The following KANK3 variants were observed in gnomAD, a reference collection of about 807,000 sequenced individuals.
KANK3 encodes the protein KN motif and ankyrin repeat domain-containing protein 3.
A neutral mutation model predicts 65.4 loss-of-function variants in KANK3; 61 were observed. The ratio of observed to expected loss-of-function variants is 0.93; its 90% CI spans 0.76 to 1.15. KANK3 has a LOEUF of 1.15. KANK3 is among the 50% of genes most tolerant of loss of function. The pLI, the probability that KANK3 is intolerant of heterozygous loss-of-function variation, is 0.00. For synonymous variants in KANK3, 586 were observed against 543.3 expected (o/e 1.08, Z -1.09); for missense variants, 1,187 against 1,178.8 (o/e 1.01, Z -0.10).
intron 7 of KANK3, 155 bp downstream of exon 7, chr19:8,332,835 ATAAAATAAAATAAAATAATAAAAT>A: frequency 1.2e-5 from 4 of 334,014 alleles, no homozygotes; most frequent in Non-Finnish European, 1.6e-5. Context: ...ATAAAATAAA[ATAAAATAAAATAAAATAATAAAAT>A]TAAAATAAAA....
At position 8,339,963 on chromosome 19, in the gene KANK3, CAAAA is replaced by C. The variant is rs59020478; in HGVS notation, c.-28-2111_-28-2108del. Among the ~76,000 whole-genome samples, 561 of 95,748 alleles carry C rather than the reference CAAAA, an allele frequency of 5.9e-3. 6 individuals carry two copies. Among genetic ancestry groups the C allele is most frequent in the African/African-American group, 0.018 (469 of 26,166 alleles). The allele number at this position is 95,748 out of a possible 152,430, so 62.8% of individuals were successfully genotyped here. ...TGGTTGACAGAGCAAGACCTTGTCT[CAAAA>C]AAAAAAAAAAAAAAAAAGAAAAGAA... On this transcript the variant is annotated intron_variant, in intron 1 of 10. Coordinates refer to ENST00000330915, the MANE Select transcript of KANK3 (RefSeq NM_198471.3).
At chr19:8,337,999 C>T in intron 1 of KANK3, 143 bp from the exon 2 acceptor site, 4 of 1,369,792 alleles carry the variant, frequency 2.9e-6, no homozygotes, top group Non-Finnish European at 3.8e-6. Context: ...CCTTCCTCTT[C>T]CCTAAAGAAA....
rs1310981591 is a variant in KANK3, at chr19:8,333,770, G to A, written c.1673C>T (p.Ala558Val). The change falls in exon 6 of 11, where the codon GCG (alanine) becomes GTG (valine). Residue 558 changes from alanine to valine, a missense_variant. This residue lies in a region of KANK3 where 1,078 missense variants were observed against 1,038.2 expected (regional missense o/e 1.04). Coordinates refer to ENST00000330915, the MANE Select transcript of KANK3 (RefSeq NM_198471.3). The surrounding 1 kb of genome is among the most constrained non-coding windows in gnomAD (Gnocchi z 5.0). ...GGGCCGGCTCAGCTGCCGCTGCAGC[G>A]CTACGCACGCCTCCCTCAGACGCGG... is the stretch of plus-strand genomic sequence containing the variant. ...LSPRLREACV[A>V]LQRQLSRPRG... The A allele has an allele frequency of 4.0e-6, 6 of 1,507,180 alleles. No homozygotes were observed. The highest frequency in any genetic ancestry group is 2.5e-5 in the East Asian group (1 of 40,006). The allele number at this position is 1,507,180 out of a possible 1,614,324, so 93.4% of individuals were successfully genotyped here. A position where few individuals can be genotyped will look rare whatever the true frequency, so the allele number is the denominator to read the frequency against.
At chr19:8,332,920 G>A (rs1214361402) in intron 7 of KANK3, 94 bp downstream of exon 7, 2 of 994,890 alleles carry the variant, frequency 2.0e-6, no homozygotes, top group South Asian at 2.8e-5. Context: ...GCCATTCTCT[G>A]CTTTCCTCTC....
intron 7 of KANK3, 27 bp downstream of exon 7, chr19:8,332,987 T>TTCCCCCCCCCCCC: frequency 3.8e-5 from 15 of 395,198 alleles, no homozygotes; most frequent in Non-Finnish European, 5.7e-5. Flanking sequence ...TTTCCTGGTG[T>TTCCCCCCCCCCCC]CCCACCCACC....
intron 1 of KANK3, among the ~76,000 whole-genome samples, chr19:8,338,234 C>T (rs1391705894): frequency 6.6e-6 from 1 of 151,776 alleles, no homozygotes; most frequent in Non-Finnish European, 1.5e-5. Context: ...GTTGGCCAGG[C>T]TGGTCTCGAA....
At chr19:8,332,987 T>TGTGG in intron 7 of KANK3, 27 bp downstream of exon 7, 3 of 395,194 alleles carry the variant, frequency 7.6e-6, no homozygotes, top group African/African-American at 2.2e-5. Flanking sequence ...TTTCCTGGTG[T>TGTGG]CCCACCCACC....
chr19:8,340,291 T>TATATATATATATATATATATATACACAC (rs1472181365), intron 1 of KANK3, among the ~76,000 whole-genome samples: 25 of 92,822 alleles, frequency 2.7e-4, no homozygotes, highest in East Asian at 2.0e-3. Flanking sequence ...TATATATATA[T>TATATATATATATATATATATATACACAC]ACACACACAC....
At position 8,334,112 on chromosome 19, in the gene KANK3, C is replaced by G. The variant is rs1568575473; in HGVS notation, c.1432G>C (p.Glu478Gln). The G allele has an allele frequency of 6.6e-7, 1 of 1,514,900 alleles. No homozygotes were observed. The highest frequency in any genetic ancestry group is 8.8e-7 in the Non-Finnish European group (1 of 1,131,400). The allele number at this position is 1,514,900 out of a possible 1,614,324, so 93.8% of individuals were successfully genotyped here. A position where few individuals can be genotyped will look rare whatever the true frequency, so the allele number is the denominator to read the frequency against. Residue 478 changes from glutamate (E) to glutamine (Q), a missense_variant, in exon 5 of 11, where the codon GAG (glutamate) becomes CAG (glutamine). By Grantham distance (29) the Glu-to-Gln change is conservative. This residue lies in a region of KANK3 where 1,078 missense variants were observed against 1,038.2 expected (regional missense o/e 1.04). Transcript: ENST00000330915. ...QFVGVLNGEY[E>Q]SSSSEDASDS... ...CTGGCGTCCTCGCTGGAGGAGCTCT[C>G]GTACCTGGGGGCAGGGTGGGAGGTG...
At chr19:8,332,987 T>TTTG in intron 7 of KANK3, 27 bp downstream of exon 7, 3 of 395,198 alleles carry the variant, frequency 7.6e-6, no homozygotes, top group East Asian at 6.5e-5. Context: ...TTTCCTGGTG[T>TTTG]CCCACCCACC....
At chr19:8,332,966 C>G (rs1456070147) in intron 7 of KANK3, 48 bp downstream of exon 7, 1 of 1,107,612 alleles carries the variant, frequency 9.0e-7, no homozygotes, top group African/African-American at 1.6e-5. Flanking sequence ...CCTGCCCTCT[C>G]CCCCCACCCA....
rs1288743490 is a variant in KANK3, at chr19:8,334,833, C to T, written c.994G>A (p.Glu332Lys). The change falls in exon 3 of 11, where the codon GAG becomes AAG. Residue 332 changes from glutamate (E) to lysine (K), a missense_variant. Physicochemically the swap from Glu to Lys is moderately conservative, Grantham distance 56. This residue lies in a region of KANK3 where 1,078 missense variants were observed against 1,038.2 expected (regional missense o/e 1.04). Transcript: ENST00000330915. Reference sequence around the variant, plus strand: ...ACCCACGCGTCCGCCTCCACGGTCTCGGGGGCAGCCTCCACGCCGGCCTCC... The same window carrying T: ...ACCCACGCGTCCGCCTCCACGGTCTTGGGGGCAGCCTCCACGCCGGCCTCC... ...TREAGVEAAP[E>K]TVEADAWVTE... The T allele has an allele frequency of 4.1e-6, 6 of 1,478,568 alleles. No individual in the cohort carries two copies. Among genetic ancestry groups the T allele is most frequent in the Non-Finnish European group, 5.3e-6 (6 of 1,123,768 alleles). The allele number at this position is 1,478,568 out of a possible 1,614,324, so 91.6% of individuals were successfully genotyped here.
At chr19:8,337,676 G>T in intron 2 of KANK3, 119 bp downstream of exon 2, 1 of 1,222,418 alleles carries the variant, frequency 8.2e-7, no homozygotes, top group Non-Finnish European at 1.2e-6. Context: ...TTTAAAGCAG[G>T]CTCATGACAT....
In KANK3 at chr19:8,335,494, G is replaced by A; in HGVS notation, c.333C>T (p.Pro111=). The A allele has an allele frequency of 8.1e-7, 1 of 1,238,746 alleles. No homozygotes were observed. The highest frequency in any genetic ancestry group is 1.0e-6 in the Non-Finnish European group (1 of 986,198). 76.7% of individuals were successfully genotyped at this position (1,238,746 alleles called of 1,614,324 possible). ...ACAGCGGCTGCATCAGGAGCCCCGAGGGCGCGCCCTGGGAGAGTATGCCCG... is the reference window on the plus strand; with the variant it reads ...ACAGCGGCTGCATCAGGAGCCCCGAAGGCGCGCCCTGGGAGAGTATGCCCG... ...GAPGILSQGA[P]SGLLMQPLSP... is the part of the protein sequence containing the mutation. The change falls in exon 3 of 11, where the codon CCC becomes CCT. Residue 111 remains proline (P), a synonymous_variant. Coordinates refer to ENST00000330915, the MANE Select transcript of KANK3 (RefSeq NM_198471.3).
chr19:8,337,880 C>A, intron 1 of KANK3, 24 bp from the exon 2 acceptor site: 2 of 1,612,290 alleles, frequency 1.2e-6, no homozygotes, highest in Non-Finnish European at 8.5e-7. Flanking sequence ...GAAGGTGGGG[C>A]TGGGCGCTGT....
chr19:8,326,047 A>T (rs1970421865), intron 7 of KANK3, among the ~76,000 whole-genome samples: 1 of 151,894 alleles, frequency 6.6e-6, no homozygotes, highest in African/African-American at 2.4e-5. Context: ...CTGGTCTCGA[A>T]CTCCGACCTC....
In KANK3 at chr19:8,334,526, T is replaced by A. The variant is rs778421405; in HGVS notation, c.1301A>T (p.Asp434Val). Residue 434 changes from aspartate (D) to valine (V), a missense_variant, in exon 3 of 11, where the codon GAC becomes GTC. By Grantham distance (152) the Asp-to-Val change is radical. This residue lies in a region of KANK3 where 1,078 missense variants were observed against 1,038.2 expected (regional missense o/e 1.04). Transcript: ENST00000330915. ...CGCGGGCGCCACGGCCCTGTCTCCG[T>A]CCATGGATCCGGGCGAGCTCTCCTG... ...LTQESSPGSM[D>V]GDRAVAPAGI... 2.5e-6 allele frequency: 4 copies of A among 1,603,664 alleles called. No individual in the cohort carries two copies. Among genetic ancestry groups the A allele is most frequent in the Non-Finnish European group, 3.4e-6 (4 of 1,179,572 alleles).
Position 8,335,639 on chromosome 19 carries a change from C to G in KANK3, c.188G>C (p.Arg63Pro). ...GCGCGAGGTCGGGGGTCCCGGGGCG[C>G]GGCGGGCAGCGGGGCCACGCTCCAG... ...EELERGPAAR[R>P]APGPPTSRRP... Residue 63 changes from arginine to proline, a missense_variant, in exon 3 of 11, where the codon CGC becomes CCC. This residue lies in a region of KANK3 where 104 missense variants were observed against 122.1 expected (regional missense o/e 0.85). Coordinates refer to ENST00000330915, the MANE Select transcript of KANK3 (RefSeq NM_198471.3). 8 of 1,245,410 alleles carry G rather than the reference C, an allele frequency of 6.4e-6. No homozygotes were observed. The highest frequency in any genetic ancestry group is 4.2e-5 in the Admixed American group (1 of 23,666). The allele number at this position is 1,245,410 out of a possible 1,614,324, so 77.1% of individuals were successfully genotyped here. A position where few individuals can be genotyped will look rare whatever the true frequency, so the allele number is the denominator to read the frequency against.
intron 7 of KANK3, among the ~76,000 whole-genome samples, chr19:8,328,615 C>T (rs1970470360): frequency 1.3e-5 from 2 of 151,946 alleles, no homozygotes; most frequent in Admixed American, 6.6e-5. Flanking sequence ...GGCAGTGAAA[C>T]GGAGAGGGAG....
Sources: allele counts gnomAD v4.1 joint callset (sites outside exome capture counted in the v4.1 genomes callset), GRCh38; gene constraint gnomAD v4.1.1; regional missense constraint gnomAD v4.1.1; non-coding constraint Gnocchi (gnomAD v3.1); transcripts MANE v1.5; gene names NCBI Gene and HGNC (gene_info 2026-07-23, HGNC 2026-07-21).